Variants in TENM3 observed in about 807,000 individuals in gnomAD.
TENM3 encodes the protein teneurin-3.
Under a neutral mutation model 255.1 loss-of-function variants are expected in TENM3, and 63 were observed. That is an observed-to-expected ratio of 0.25 (90% confidence interval 0.20 to 0.30). The LOEUF (loss-of-function observed/expected upper bound fraction) is 0.30. Ranked by LOEUF, TENM3 falls within the 10% of genes least tolerant of loss-of-function variation. TENM3 has a pLI of 1.00. For missense variants in TENM3, 2,929 were observed against 3,461.1 expected (o/e 0.85, Z 3.86); for synonymous variants, 1,306 against 1,322.3 (o/e 0.99, Z 0.27).
chr4:181,993,811 T>C, the TENM3 span, among the ~76,000 whole-genome samples: 2 of 152,262 alleles, frequency 1.3e-5, no homozygotes, highest in African/African-American at 4.8e-5. Context: ...TATATATATA[T>C]GCAAAGAGCA....
At chr4:181,548,697 C>G in the TENM3 span, among the ~76,000 whole-genome samples, 1 of 152,090 alleles carries the variant, frequency 6.6e-6, no homozygotes, top group Non-Finnish European at 1.5e-5. Context: ...AGAGCCATCT[C>G]AGAACATTAA....
At chr4:182,632,406 C>T (rs958630235) in intron 5 of TENM3, among the ~76,000 whole-genome samples, 3 of 152,146 alleles carry the variant, frequency 2.0e-5, no homozygotes, top group Non-Finnish European at 4.4e-5. Context: ...ACCACCAACG[C>T]TAGTCATTAC....
intron 1 of TENM3, among the ~76,000 whole-genome samples, chr4:182,323,575 T>C (rs1763192172): frequency 6.6e-6 from 1 of 152,148 alleles, no homozygotes; most frequent in East Asian, 1.9e-4. Context: ...GGAGAAATGC[T>C]ATAAAGAGAA....
chr4:181,921,773 T>C, the TENM3 span, among the ~76,000 whole-genome samples: 2 of 152,166 alleles, frequency 1.3e-5, no homozygotes, highest in African/African-American at 4.8e-5. Flanking sequence ...AAAACTATGT[T>C]GAATAGGAGT....
the TENM3 span, among the ~76,000 whole-genome samples, chr4:181,743,078 G>T: frequency 6.6e-6 from 1 of 151,684 alleles, no homozygotes; most frequent in African/African-American, 2.4e-5. Context: ...GTCTATCATT[G>T]TTGGACATTT....
At chr4:182,459,339 C>T (rs1418266258) in intron 3 of TENM3, among the ~76,000 whole-genome samples, 6 of 152,120 alleles carry the variant, frequency 3.9e-5, no homozygotes, top group East Asian at 3.9e-4. Flanking sequence ...GTATTCATCT[C>T]GGTGAATTCT....
chr4:182,606,295 G>C (rs533926682), intron 4 of TENM3, among the ~76,000 whole-genome samples: 1 of 152,020 alleles, frequency 6.6e-6, no homozygotes, highest in Non-Finnish European at 1.5e-5. Flanking sequence ...AGGCCGAGGC[G>C]GGTGGATCAC....
At chr4:181,500,152 C>T in the TENM3 span, among the ~76,000 whole-genome samples, 59 of 152,076 alleles carry the variant, frequency 3.9e-4, no homozygotes, top group Admixed American at 9.2e-4. Context: ...TCTCATCCTC[C>T]TGAGTAGCTG....
the TENM3 span, among the ~76,000 whole-genome samples, chr4:182,055,154 T>G: frequency 2.6e-5 from 4 of 151,954 alleles, no homozygotes; most frequent in African/African-American, 4.8e-5. Context: ...CGAGTCCAGT[T>G]TGGGCAAGAT....
chr4:181,727,568 G>A, the TENM3 span, among the ~76,000 whole-genome samples: 1 of 152,108 alleles, frequency 6.6e-6, no homozygotes, highest in Non-Finnish European at 1.5e-5. Flanking sequence ...CACATAATCT[G>A]TTGAAGAGCA....
chr4:181,519,199 A>T, the TENM3 span, among the ~76,000 whole-genome samples: 1 of 152,372 alleles, frequency 6.6e-6, no homozygotes, highest in East Asian at 1.9e-4. Context: ...GGATATGGGA[A>T]GTGACAACAA....
At chr4:182,528,013 A>G (rs917372735) in intron 3 of TENM3, among the ~76,000 whole-genome samples, 1 of 152,246 alleles carries the variant, frequency 6.6e-6, no homozygotes. Flanking sequence ...GGCATGAGCC[A>G]CCAGGCCCGG....
chr4:182,557,048 T>G (rs2151954796), intron 3 of TENM3, among the ~76,000 whole-genome samples: 1 of 152,354 alleles, frequency 6.6e-6, no homozygotes, highest in African/African-American at 2.4e-5. Flanking sequence ...TACCAGACAT[T>G]TTCTTCTTCT....
chr4:182,158,983 T>G (rs144858131), intron 1 of TENM3, among the ~76,000 whole-genome samples: 1 of 152,334 alleles, frequency 6.6e-6, no homozygotes, highest in African/African-American at 2.4e-5. Context: ...GGTGACCAAG[T>G]TGGGCTCCGA....
the TENM3 span, among the ~76,000 whole-genome samples, chr4:181,523,965 G>A: frequency 6.6e-6 from 1 of 152,010 alleles, no homozygotes; most frequent in Non-Finnish European, 1.5e-5. Context: ...TTTTTTTTAA[G>A]AAACAAAAGG....
intron 1 of TENM3, among the ~76,000 whole-genome samples, chr4:182,151,481 G>T (rs1750351837): frequency 6.6e-6 from 1 of 152,046 alleles, no homozygotes; most frequent in African/African-American, 2.4e-5. Flanking sequence ...CAAGTGACTG[G>T]TTCTTTTAAA....
At chr4:182,493,619 T>C (rs907474784) in intron 3 of TENM3, among the ~76,000 whole-genome samples, 22 of 152,164 alleles carry the variant, frequency 1.4e-4, no homozygotes, top group Non-Finnish European at 2.6e-4. Flanking sequence ...TGATGTTGTG[T>C]TGCTCATAAC....
chr4:182,361,631 T>G (rs1304460861), intron 3 of TENM3, among the ~76,000 whole-genome samples: 1 of 151,838 alleles, frequency 6.6e-6, no homozygotes, highest in Non-Finnish European at 1.5e-5. Flanking sequence ...CTAAATTTTT[T>G]TCAAAGTTTT....
intron 1 of TENM3, among the ~76,000 whole-genome samples, chr4:182,260,562 G>A (rs138541938): frequency 4.7e-4 from 72 of 152,264 alleles, no homozygotes; most frequent in African/African-American, 1.6e-3. Flanking sequence ...GGGACAGTCT[G>A]TAATAACAGT....
Sources: allele counts gnomAD v4.1 joint callset (sites outside exome capture counted in the v4.1 genomes callset), GRCh38; gene constraint gnomAD v4.1.1; transcripts MANE v1.5; gene names NCBI Gene and HGNC (gene_info 2026-07-23, HGNC 2026-07-21).